CPAMD8: variants seen among roughly 807,000 people sequenced by gnomAD.
The protein encoded by CPAMD8 is C3 and PZP like alpha-2-macroglobulin domain containing 8, also known as C3 and PZP-like alpha-2-macroglobulin domain-containing protein 8.
In CPAMD8, 146 loss-of-function variants were observed where a neutral mutation model predicts 224.7. The observed-to-expected ratio is 0.65, with a 90% confidence interval of 0.57 to 0.75. The LOEUF (loss-of-function observed/expected upper bound fraction) is 0.75. Ranked by LOEUF, CPAMD8 falls within the 30% of genes least tolerant of loss-of-function variation. The pLI is 0.00. For missense variants in CPAMD8, 2,301 were observed against 2,537.5 expected (o/e 0.91, Z 2.00); for synonymous variants, 966 against 1,044.6 (o/e 0.92, Z 1.45).
intron 18 of CPAMD8, among the ~76,000 whole-genome samples, chr19:16,961,740 C>T (rs1336751952): frequency 6.6e-6 from 1 of 152,228 alleles, no homozygotes; most frequent in African/African-American, 2.4e-5. Context: ...CCCATGTAGC[C>T]TAACTGGGAG....
intron 23 of CPAMD8, among the ~76,000 whole-genome samples, chr19:16,934,728 C>A (rs759610560): frequency 6.6e-6 from 1 of 152,168 alleles, no homozygotes; most frequent in Non-Finnish European, 1.5e-5. Context: ...AGAGGAGATG[C>A]TTTTCCTTCT....
intron 18 of CPAMD8, among the ~76,000 whole-genome samples, chr19:16,967,991 T>TG (rs1266824995): frequency 1.1e-5 from 1 of 91,964 alleles, no homozygotes; most frequent in Non-Finnish European, 2.2e-5. Flanking sequence ...CAAAAAAGCA[T>TG]GGGCACTTGA....
intron 9 of CPAMD8, among the ~76,000 whole-genome samples, chr19:17,001,652 A>C (rs1371827935): frequency 6.6e-6 from 1 of 152,024 alleles, no homozygotes; most frequent in African/African-American, 2.4e-5. Context: ...GGTAGAGTGC[A>C]AGAGACTCAT....
At chr19:16,992,260 C>G (rs927099546) in intron 12 of CPAMD8, among the ~76,000 whole-genome samples, 3 of 152,092 alleles carry the variant, frequency 2.0e-5, no homozygotes, top group African/African-American at 7.2e-5. Context: ...TGAACCACCC[C>G]CAACTAAAGA....
At position 17,012,328 on chromosome 19, in the gene CPAMD8, T is replaced by C. The variant is rs866377784; in HGVS notation, c.268-571A>G. Among the ~76,000 whole-genome samples, 5 of 136,882 alleles carry C rather than the reference T, an allele frequency of 3.7e-5. 1 individual carries two copies. The South Asian group carries it at 1.2e-3, about 33-fold the overall frequency. The allele number at this position is 136,882 out of a possible 152,430, so 89.8% of individuals were successfully genotyped here. On this transcript the variant is annotated intron_variant, in intron 3 of 41. Coordinates refer to ENST00000443236, the MANE Select transcript of CPAMD8 (RefSeq NM_015692.5). ...GCCATTGCACCCGGCCATATCTTTT[T>C]TCTTTCTTTCTTTCTTTCTTTCTTT...
chr19:16,896,250 C>A lies in CPAMD8; in HGVS notation c.5352G>T (p.Gln1784His), dbSNP rs1253207070. ...LASVAPGPLQ[Q>H]DVKLNGAGLE... ...GGCCGGCTCCATTCAGCTTCACGTCCTGCTGTAAAGGCCCCGGGGCCACAG... is the reference window on the plus strand; with the variant it reads ...GGCCGGCTCCATTCAGCTTCACGTCATGCTGTAAAGGCCCCGGGGCCACAG... Residue 1784 changes from glutamine to histidine, a missense_variant, in exon 41 of 42, where the codon CAG becomes CAT. Physicochemically the swap from Gln to His is conservative, Grantham distance 24. Coordinates refer to ENST00000443236, the MANE Select transcript of CPAMD8 (RefSeq NM_015692.5). The A allele has an allele frequency of 6.2e-7, 1 of 1,613,570 alleles. No individual in the cohort carries two copies. The highest frequency in any genetic ancestry group is 2.2e-5 in the East Asian group (1 of 44,870).
At position 16,990,085 on chromosome 19, in the gene CPAMD8, C is replaced by T. The variant is rs141104120; in HGVS notation, c.1267-314G>A. 2.2e-3 allele frequency among the ~76,000 whole-genome samples: 338 copies of T among 152,144 alleles called. 1 individual carries two copies. The highest frequency in any genetic ancestry group is 7.6e-3 in the African/African-American group (317 of 41,500). ...TGGCCAACATGGAGAAACCCCGTCT[C>T]TACTGAAAAAATACAAAAATTAGCC... On this transcript the variant is annotated intron_variant, in intron 12 of 41. Coordinates refer to ENST00000443236, the MANE Select transcript of CPAMD8 (RefSeq NM_015692.5).
At chr19:16,968,621 G>C (rs2054940476) in intron 18 of CPAMD8, among the ~76,000 whole-genome samples, 1 of 151,266 alleles carries the variant, frequency 6.6e-6, no homozygotes, top group Non-Finnish European at 1.5e-5. Flanking sequence ...AATGGCTTAA[G>C]TGTTTTTATT....
intron 27 of CPAMD8, among the ~76,000 whole-genome samples, chr19:16,919,211 A>G (rs12461128): frequency 1.5e-4 from 6 of 39,914 alleles, no homozygotes; most frequent in Non-Finnish European, 1.9e-4. Context: ...TCAAAAAAAG[A>G]AAAAAAAAAA....
In CPAMD8 at chr19:16,914,712, T is replaced by A; in HGVS notation, c.3731A>T (p.Gln1244Leu). Reference sequence around the variant, plus strand: ...GGCCAGGAAGGAGCCATCGGCCTGCTGCTGCTGGATGATCCAGCTCTTGGC... The same window carrying A: ...GGCCAGGAAGGAGCCATCGGCCTGCAGCTGCTGGATGATCCAGCTCTTGGC... ...AAAKSWIIQQ[Q>L]QADGSFLAVG... Residue 1244 changes from glutamine to leucine, a missense_variant, in exon 28 of 42, where the codon CAG (glutamine) becomes CTG (leucine). Around this residue, in one of 4 missense-constraint regions of CPAMD8, gnomAD observed 1,709 missense variants for 1,753.2 expected, o/e 0.97. Transcript: ENST00000443236. 6.2e-7 allele frequency: 1 copy of A among 1,614,094 alleles called. No individual in the cohort carries two copies. Among genetic ancestry groups the A allele is most frequent in the Non-Finnish European group, 8.5e-7 (1 of 1,179,978 alleles).
At chr19:16,992,531 G>A (rs8112024) in intron 12 of CPAMD8, among the ~76,000 whole-genome samples, 124,235 of 152,060 alleles carry the variant, frequency 0.82, 50,952 homozygotes, top group African/African-American at 0.85. Context: ...GGCTCGCTGC[G>A]ACTTCCACCT....
intron 30 of CPAMD8, among the ~76,000 whole-genome samples, chr19:16,906,329 CTTCT>C (rs1237561726): frequency 6.9e-6 from 1 of 145,794 alleles, no homozygotes; most frequent in Non-Finnish European, 1.5e-5. Flanking sequence ...TCCTTCCTTC[CTTCT>C]TTCCCTTTCT....
chr19:17,009,406 G>A lies in CPAMD8; in HGVS notation c.487-86C>T, dbSNP rs183284203. ...ATGCTCATGCATGGCCTCGGTCCCC[G>A]GGACAGGCAGTCGCTGTTATGGGTT... is the stretch of plus-strand genomic sequence containing the variant. On this transcript the variant is annotated intron_variant, in intron 5 of 41. Coordinates refer to ENST00000443236, the MANE Select transcript of CPAMD8 (RefSeq NM_015692.5). 1.0e-3 allele frequency: 1,622 copies of A among 1,607,008 alleles called. 2 individuals are homozygous for A. The highest frequency in any genetic ancestry group is 1.2e-3 in the Non-Finnish European group (1,375 of 1,174,792).
intron 19 of CPAMD8, 151 bp downstream of exon 19, chr19:16,957,702 G>A: frequency 2.7e-6 from 2 of 731,992 alleles, no homozygotes; most frequent in Non-Finnish European, 4.7e-6. Flanking sequence ...TGGCTTCATG[G>A]CTTGAAGTTT....
chr19:16,957,852 C>T lies in CPAMD8; in HGVS notation c.2276+1G>A, dbSNP rs775787677. On this transcript the variant is annotated splice_donor_variant, in intron 19 of 41. Transcript: ENST00000443236. LOFTEE classifies it high-confidence loss of function. ...AGCGCAGAAAAGAAATCTTAATGTACCTGATGTTGAGACAATGCCAAATCC... is the reference window on the plus strand; with the variant it reads ...AGCGCAGAAAAGAAATCTTAATGTATCTGATGTTGAGACAATGCCAAATCC... The T allele has an allele frequency of 7.4e-6, 12 of 1,613,910 alleles. No homozygotes were observed. The Admixed American group carries it at 1.8e-4, about 25-fold the overall frequency.
chr19:16,903,499 T>C (rs185936874), intron 34 of CPAMD8, 62 bp downstream of exon 34: 10 of 1,608,960 alleles, frequency 6.2e-6, no homozygotes, highest in African/African-American at 1.3e-5. Context: ...CACTGTGTGA[T>C]TGGAGGGAAT....
chr19:16,976,108 A>G lies in CPAMD8; in HGVS notation c.1802T>C (p.Val601Ala), dbSNP rs765066040. Residue 601 changes from valine (V) to alanine (A), a missense_variant, in exon 16 of 42, where the codon GTT becomes GCT. Physicochemically the swap from Val to Ala is moderately conservative, Grantham distance 64. Transcript: ENST00000443236. ...YSANETQPGE[V>A]VDLRIRAARG... The stretch of plus-strand genomic sequence containing the variant: ...TGCAGCCCTGATCCGCAGGTCGACA[A>G]CCTCCCCAGGTTGGGTCTCATTTGC... The G allele has an allele frequency of 3.7e-6, 6 of 1,612,668 alleles. No homozygotes were observed. In the African/African-American group the frequency reaches 6.7e-5, roughly 18 times the overall value.
chr19:16,908,166 C>T (rs1424483006), intron 29 of CPAMD8, among the ~76,000 whole-genome samples: 1 of 152,000 alleles, frequency 6.6e-6, no homozygotes, highest in Non-Finnish European at 1.5e-5. Flanking sequence ...CAAGACCAGC[C>T]TGGCCAACAT....
chr19:17,016,488 C>T (rs545371201), intron 3 of CPAMD8, among the ~76,000 whole-genome samples: 1 of 152,300 alleles, frequency 6.6e-6, no homozygotes, highest in South Asian at 2.1e-4. Flanking sequence ...AGGCTGGGTG[C>T]AGTGGCTCAC....
Sources: allele counts gnomAD v4.1 joint callset (sites outside exome capture counted in the v4.1 genomes callset), GRCh38; gene constraint gnomAD v4.1.1; regional missense constraint gnomAD v4.1.1; transcripts MANE v1.5; gene names NCBI Gene and HGNC (gene_info 2026-07-23, HGNC 2026-07-21).